The following DBT variants were observed in gnomAD, a reference collection of about 807,000 sequenced individuals.
DBT encodes lipoamide acyltransferase component of branched-chain alpha-keto acid dehydrogenase complex, mitochondrial.
A neutral mutation model predicts 51.3 loss-of-function variants in DBT; 40 were observed. The observed-to-expected ratio is 0.78, with a 90% CI of 0.61 to 1.02. The LOEUF is 1.02. DBT is among the 50% of genes least tolerant of loss of function. DBT has a pLI of 0.00. For missense variants in DBT, 510 were observed against 580.2 expected (o/e 0.88, Z 1.24); for synonymous variants, 181 against 190.4 (o/e 0.95, Z 0.41).
At chr1:100,214,643 A>C (rs1326508894) in intron 7 of DBT, among the ~76,000 whole-genome samples, 174 bp downstream of exon 7, 4 of 152,132 alleles carry the variant, frequency 2.6e-5, no homozygotes, top group Non-Finnish European at 5.9e-5. Context: ...ATTCCCAGCT[A>C]CTCAGGAGGC....
intron 4 of DBT, among the ~76,000 whole-genome samples, chr1:100,226,146 CCTTA>C (rs989552617): frequency 2.0e-5 from 3 of 152,066 alleles, no homozygotes; most frequent in Admixed American, 2.0e-4. Context: ...TGTTCAGAAT[CCTTA>C]CTTGTCAGTT....
chr1:100,223,507 C>T (rs964765943), intron 4 of DBT, among the ~76,000 whole-genome samples: 1 of 152,192 alleles, frequency 6.6e-6, no homozygotes, highest in African/African-American at 2.4e-5. Flanking sequence ...TGCTCTGTCA[C>T]CTGGGCTGGA....
At chr1:100,223,181 T>A (rs1008964839) in intron 4 of DBT, among the ~76,000 whole-genome samples, 4 of 152,154 alleles carry the variant, frequency 2.6e-5, no homozygotes, top group Non-Finnish European at 5.9e-5. Context: ...ATGTATGAAA[T>A]TTTTAAAACA....
chr1:100,210,842 G>C (rs1178694377), intron 7 of DBT, 71 bp from the exon 8 acceptor site: 1 of 1,595,646 alleles, frequency 6.3e-7, no homozygotes, highest in East Asian at 2.2e-5. Flanking sequence ...GAAACAATAA[G>C]AGGTATAAAA....
chr1:100,201,708 C>T (rs371543233), intron 10 of DBT, among the ~76,000 whole-genome samples: 4 of 152,264 alleles, frequency 2.6e-5, no homozygotes, highest in Non-Finnish European at 4.4e-5. Flanking sequence ...GTGGATCTCT[C>T]GGCAGAAACT....
chr1:100,222,662 A>T (rs1367872064), intron 4 of DBT, among the ~76,000 whole-genome samples: 2 of 152,244 alleles, frequency 1.3e-5, no homozygotes, highest in South Asian at 4.1e-4. Flanking sequence ...CCAATCAACA[A>T]TACAAGTTGA....
At chr1:100,202,514 G>C (rs1391518112) in intron 10 of DBT, among the ~76,000 whole-genome samples, 1 of 152,074 alleles carries the variant, frequency 6.6e-6, no homozygotes, top group Non-Finnish European at 1.5e-5. Context: ...ACATTAGACA[G>C]AACAATGAGA....
intron 4 of DBT, among the ~76,000 whole-genome samples, chr1:100,223,810 G>A (rs1428459652): frequency 6.6e-6 from 1 of 151,884 alleles, no homozygotes; most frequent in Non-Finnish European, 1.5e-5. Context: ...ACATGGAATA[G>A]CTTTGATATA....
chr1:100,235,644 T>C, intron 2 of DBT, 133 bp from the exon 3 acceptor site: 1 of 576,110 alleles, frequency 1.7e-6, no homozygotes, highest in Non-Finnish European at 3.2e-6. Context: ...AAAAACAGCA[T>C]TTTATAATTT....
In DBT at chr1:100,206,245, G is replaced by T; in HGVS notation, c.1266C>A (p.Ala422=). 3.1e-6 allele frequency: 5 copies of T among 1,611,232 alleles called. No homozygotes were observed. The highest frequency in any genetic ancestry group is 1.1e-5 in the South Asian group (1 of 90,948). The change falls in exon 10 of 11, where the codon GCC becomes GCA. Residue 422 remains alanine (A), a synonymous_variant. Transcript: ENST00000370132. ...ATACATGTACCTTAATTGATCCAAGGGCCCCAATGGCTACTTCAGGTGGCA... is the reference window on the plus strand; with the variant it reads ...ATACATGTACCTTAATTGATCCAAGTGCCCCAATGGCTACTTCAGGTGGCA... ...VIMPPEVAIG[A]LGSIKAIPRF...
In DBT at chr1:100,195,188, A is replaced by C. The variant is rs1417887250; in HGVS notation, c.*1067T>G. On this transcript the variant is annotated 3_prime_UTR_variant, in exon 11 of 11. Transcript: ENST00000370132. ...AAAGTTAAAAGGAAGTAGACTTCTC[A>C]AATTTTTTTTAAAAAAAGAAATGTC... is the stretch of plus-strand genomic sequence containing the variant. 6.6e-6 allele frequency: 1 copy of C among 152,604 alleles called. No homozygotes were observed. Among genetic ancestry groups the C allele is most frequent in the Non-Finnish European group, 1.5e-5 (1 of 68,030 alleles). 9.5% of individuals were successfully genotyped at this position (152,604 alleles called of 1,614,324 possible).
intron 1 of DBT, among the ~76,000 whole-genome samples, chr1:100,249,535 A>G (rs1447269997): frequency 1.3e-5 from 2 of 152,162 alleles, no homozygotes; most frequent in Non-Finnish European, 2.9e-5. Context: ...GTACAGATGG[A>G]GCAGGACGGC....
In DBT at chr1:100,194,340, T is replaced by G. The variant is rs1266754756; in HGVS notation, c.*1915A>C. ...ACACCACCACACTTGGCTTTTTGGT[T>G]TTTTTTTTTTTTTCTGAGACAAAGT... On this transcript the variant is annotated 3_prime_UTR_variant, in exon 11 of 11. Transcript: ENST00000370132. 5 of 148,962 alleles carry G rather than the reference T, an allele frequency of 3.4e-5. No individual in the cohort carries two copies. Among genetic ancestry groups the G allele is most frequent in the South Asian group, 2.1e-4 (1 of 4,714 alleles). 9.2% of individuals were successfully genotyped at this position (148,962 alleles called of 1,614,324 possible). A position where few individuals can be genotyped will look rare whatever the true frequency, so the allele number is the denominator to read the frequency against.
In DBT at chr1:100,229,984, C is replaced by T. The variant is rs114865432; in HGVS notation, c.433+749G>A. The stretch of plus-strand genomic sequence containing the variant: ...CTTTGCTTTCATTTTAATTTTCCTT[C>T]TTTTCTCTTCAACTTCTCTTGAAAA... On this transcript the variant is annotated intron_variant, in intron 4 of 10. Coordinates refer to ENST00000370132, the MANE Select transcript of DBT (RefSeq NM_001918.5). 9.0e-3 allele frequency among the ~76,000 whole-genome samples: 1,376 copies of T among 152,234 alleles called. 23 individuals carry two copies. The highest frequency in any genetic ancestry group is 0.032 in the African/African-American group (1,331 of 41,536).
chr1:100,196,387 A>G lies in DBT; in HGVS notation c.1317T>C (p.Tyr439=), dbSNP rs2100761130. Residue 439 remains tyrosine, a synonymous_variant, in exon 11 of 11, where the codon TAT becomes TAC. Coordinates refer to ENST00000370132, the MANE Select transcript of DBT (RefSeq NM_001918.5). ...AGCTCACATTCATTATCTGTGCCTT[A>G]TATACTTCTCCTTTCTGGTTAAATC... ...IPRFNQKGEV[Y]KAQIMNVSWS... The G allele has an allele frequency of 6.5e-7, 1 of 1,542,862 alleles. No individual in the cohort carries two copies. Among genetic ancestry groups the G allele is most frequent in the Non-Finnish European group, 8.8e-7 (1 of 1,142,242 alleles).
chr1:100,209,578 T>A (rs573021223), intron 8 of DBT, among the ~76,000 whole-genome samples: 50 of 152,128 alleles, frequency 3.3e-4, no homozygotes, highest in African/African-American at 1.2e-3. Context: ...ATTCTCTTTT[T>A]GAAATGGAGT....
chr1:100,202,644 T>C lies in DBT; in HGVS notation c.1281+3586A>G, dbSNP rs181838650. On this transcript the variant is annotated intron_variant, in intron 10 of 10. Coordinates refer to ENST00000370132, the MANE Select transcript of DBT (RefSeq NM_001918.5). ...AATATACATTCTTCTCAGCACCACA[T>C]AGCACTAATTCTAAAATCGTACACA... is the stretch of plus-strand genomic sequence containing the variant. Among the ~76,000 whole-genome samples the C allele has an allele frequency of 2.9e-3, 434 of 152,246 alleles. 3 individuals are homozygous for C. Among genetic ancestry groups the C allele is most frequent in the African/African-American group, 0.01 (417 of 41,540 alleles).
chr1:100,240,439 G>A (rs1042143666), intron 2 of DBT, among the ~76,000 whole-genome samples: 2 of 152,136 alleles, frequency 1.3e-5, no homozygotes, highest in African/African-American at 2.4e-5. Flanking sequence ...TGAGGCAGAA[G>A]GATCACTTGA....
chr1:100,202,397 C>CAGATTCATAAAGCAAGTTCTT (rs1449802006), intron 10 of DBT, among the ~76,000 whole-genome samples: 38 of 152,242 alleles, frequency 2.5e-4, no homozygotes, highest in African/African-American at 9.2e-4. Flanking sequence ...CAGGAGCATC[C>CAGATTCATAAAGCAAGTTCTT]AGATTCATAA....
Sources: gnomAD v4.1 joint callset for allele counts (sites outside exome capture counted in the v4.1 genomes callset) on GRCh38, gnomAD v4.1.1 for gene constraint, MANE v1.5 for transcripts, NCBI Gene and HGNC (gene_info 2026-07-23, HGNC 2026-07-21) for gene names.